The following JAZF1 variants were observed in gnomAD, a reference collection of about 807,000 sequenced individuals.
JAZF1 encodes JAZF zinc finger 1.
A neutral mutation model predicts 26.4 loss-of-function variants in JAZF1; 8 were observed. The observed-to-expected ratio is 0.30, with a 90% CI of 0.18 to 0.55. The LOEUF (loss-of-function observed/expected upper bound fraction) is 0.55, where lower values mean the gene tolerates loss of function less well. Among genes scored for constraint, JAZF1 ranks in the 20% least tolerant of loss-of-function variants. The pLI is 0.94. For missense variants in JAZF1, 199 were observed against 322.0 expected (o/e 0.62, Z 2.92); for synonymous variants, 126 against 122.3 (o/e 1.03, Z -0.20).
chr7:27,859,528 A>C (rs1304612606), intron 3 of JAZF1, among the ~76,000 whole-genome samples: 4 of 152,264 alleles, frequency 2.6e-5, no homozygotes, highest in Non-Finnish European at 4.4e-5. Context: ...ACCATGGAAT[A>C]CTATGCAGCC....
chr7:28,110,519 GGAAAAGGA>G (rs1784635141), intron 1 of JAZF1, among the ~76,000 whole-genome samples: 1 of 75,056 alleles, frequency 1.3e-5, no homozygotes. Flanking sequence ...GAAAGGAAAA[GGAAAAGGA>G]AAAGGAAAGG....
chr7:27,952,278 G>T (rs539807448), intron 2 of JAZF1, among the ~76,000 whole-genome samples: 1 of 152,300 alleles, frequency 6.6e-6, no homozygotes, highest in Admixed American at 6.5e-5. Context: ...GTGGGGAGGG[G>T]TCAGAGAAGA....
Position 27,879,847 on chromosome 7 carries a change from G to A in JAZF1, c.385+15373C>T, listed in dbSNP as rs1356675893. On this transcript the variant is annotated intron_variant, in intron 3 of 4. Transcript: ENST00000283928. Reference sequence around the variant, plus strand: ...AGACCACTCAGAACACTACAGACAAGAACCTGCGAACACTCTGAAGGAGCC... The same window carrying A: ...AGACCACTCAGAACACTACAGACAAAAACCTGCGAACACTCTGAAGGAGCC... Among the ~76,000 whole-genome samples the A allele has an allele frequency of 2.6e-5, 4 of 152,104 alleles. 1 individual carries two copies. In the East Asian group the frequency reaches 7.7e-4, roughly 29 times the overall value.
intron 2 of JAZF1, among the ~76,000 whole-genome samples, chr7:27,933,574 T>C (rs969460079): frequency 6.6e-6 from 1 of 152,246 alleles, no homozygotes; most frequent in Non-Finnish European, 1.5e-5. Flanking sequence ...GTTTTGATCT[T>C]TGAATCACAT....
intron 1 of JAZF1, among the ~76,000 whole-genome samples, chr7:28,149,832 C>CTA (rs1783083103): frequency 6.6e-6 from 1 of 152,182 alleles, no homozygotes; most frequent in Admixed American, 6.5e-5. Flanking sequence ...ATTGTCTTCC[C>CTA]TACGTTTTCT....
chr7:27,945,393 G>A (rs1236939421), intron 2 of JAZF1, among the ~76,000 whole-genome samples: 6 of 152,126 alleles, frequency 3.9e-5, no homozygotes, highest in Non-Finnish European at 5.9e-5. Flanking sequence ...AGCACCTCCC[G>A]ATTCCTGACC....
intron 3 of JAZF1, among the ~76,000 whole-genome samples, chr7:27,892,857 G>T (rs1214679916): frequency 6.6e-6 from 1 of 152,146 alleles, no homozygotes; most frequent in Admixed American, 6.5e-5. Flanking sequence ...TGAAAGAAAT[G>T]AACATTTATT....
At chr7:28,053,091 T>C (rs1396235454) in intron 1 of JAZF1, among the ~76,000 whole-genome samples, 1 of 152,190 alleles carries the variant, frequency 6.6e-6, no homozygotes, top group Non-Finnish European at 1.5e-5. Flanking sequence ...CTTTTGAGAC[T>C]GACTTATTTT....
chr7:27,919,861 T>C (rs1000957036), intron 2 of JAZF1, among the ~76,000 whole-genome samples: 2 of 152,248 alleles, frequency 1.3e-5, no homozygotes, highest in African/African-American at 4.8e-5. Flanking sequence ...ACAATGTATG[T>C]AGAGGCAAAT....
intron 3 of JAZF1, among the ~76,000 whole-genome samples, chr7:27,849,772 C>CACATAT (rs140580370): frequency 2.0e-5 from 3 of 147,120 alleles, no homozygotes; most frequent in African/African-American, 7.8e-5. Flanking sequence ...CACACACACA[C>CACATAT]ACCCCTACAC....
At chr7:28,128,659 C>T (rs1782739346) in intron 1 of JAZF1, among the ~76,000 whole-genome samples, 1 of 152,158 alleles carries the variant, frequency 6.6e-6, no homozygotes, top group African/African-American at 2.4e-5. Context: ...AACTAACATT[C>T]CAGGCCAATT....
Position 28,180,677 on chromosome 7 carries a change from G to C in JAZF1, c.-100C>G, listed in dbSNP as rs1216906041. ...GGGGTGAGGAGAGGAGGGGCTGGGG[G>C]AGGGGGAGAGAGGCGGGGTGAGGGG... On this transcript the variant is annotated 5_prime_UTR_variant, in exon 1 of 5. Coordinates refer to ENST00000283928, the MANE Select transcript of JAZF1 (RefSeq NM_175061.4). 1 of 616,800 alleles carries C rather than the reference G, an allele frequency of 1.6e-6. No individual in the cohort carries two copies. The highest frequency in any genetic ancestry group is 2.9e-6 in the Non-Finnish European group (1 of 349,688). 38.2% of individuals were successfully genotyped at this position (616,800 alleles called of 1,614,324 possible). A position where few individuals can be genotyped will look rare whatever the true frequency, so the allele number is the denominator to read the frequency against.
At chr7:27,947,184 T>C (rs1784935001) in intron 2 of JAZF1, among the ~76,000 whole-genome samples, 1 of 152,240 alleles carries the variant, frequency 6.6e-6, no homozygotes, top group African/African-American at 2.4e-5. Context: ...GATGATATTA[T>C]ACATTTTCAT....
At chr7:27,945,264 C>A (rs182309825) in intron 2 of JAZF1, among the ~76,000 whole-genome samples, 2 of 152,054 alleles carry the variant, frequency 1.3e-5, no homozygotes, top group South Asian at 4.1e-4. Context: ...TGGCTTTATG[C>A]GGCATTATGA....
chr7:28,167,353 A>T (rs536082154), intron 1 of JAZF1, among the ~76,000 whole-genome samples: 14 of 152,162 alleles, frequency 9.2e-5, no homozygotes, highest in Non-Finnish European at 2.1e-4. Context: ...TGTCTCACAA[A>T]ACACTGTGAT....
chr7:28,000,684 T>A (rs1438411973), intron 1 of JAZF1, among the ~76,000 whole-genome samples: 1 of 148,898 alleles, frequency 6.7e-6, no homozygotes, highest in South Asian at 2.1e-4. Context: ...AGTAGTGGGA[T>A]CTCAGCTCAC....
chr7:28,060,931 A>C (rs1295570363), intron 1 of JAZF1, among the ~76,000 whole-genome samples: 1 of 152,192 alleles, frequency 6.6e-6, no homozygotes, highest in East Asian at 1.9e-4. Context: ...TTGGCAGTAC[A>C]ATTGAAAAAA....
intron 2 of JAZF1, among the ~76,000 whole-genome samples, chr7:27,936,585 C>A (rs145909920): frequency 4.1e-4 from 62 of 152,330 alleles, no homozygotes; most frequent in African/African-American, 1.5e-3. Context: ...CTGCATGCTA[C>A]ATGGTTATAT....
At chr7:27,861,299 T>A (rs1376291205) in intron 3 of JAZF1, among the ~76,000 whole-genome samples, 1 of 152,152 alleles carries the variant, frequency 6.6e-6, no homozygotes. Flanking sequence ...TCTGGGAAAT[T>A]TCTTTGAAAA....
Sources: gnomAD v4.1 joint callset for allele counts (sites outside exome capture counted in the v4.1 genomes callset) on GRCh38, gnomAD v4.1.1 for gene constraint, MANE v1.5 for transcripts, NCBI Gene and HGNC (gene_info 2026-07-23, HGNC 2026-07-21) for gene names.